Variants in CTSE observed in about 807,000 individuals in gnomAD.
The protein encoded by CTSE is erythrocyte membrane aspartic proteinase.
A neutral mutation model predicts 42.8 loss-of-function variants in CTSE; 43 were observed. The observed-to-expected ratio is 1.01, with a 90% CI of 0.79 to 1.30. The LOEUF is 1.30. Among genes scored for constraint, CTSE ranks in the 50% most tolerant of loss-of-function variants. The pLI is 0.00. For missense variants in CTSE, 532 were observed against 493.5 expected (o/e 1.08, Z -0.74); for synonymous variants, 205 against 191.5 (o/e 1.07, Z -0.58).
chr1:206,023,520 G>T (rs561460673), intron 1 of CTSE, among the ~76,000 whole-genome samples: 8 of 152,054 alleles, frequency 5.3e-5, no homozygotes, highest in African/African-American at 1.9e-4. Flanking sequence ...CTCCGTGGAG[G>T]TGGAGGCAGG....
rs185783609 is a variant in CTSE at position 206,020,736 on chromosome 1, G to A, written c.462+313C>T. Among the ~76,000 whole-genome samples, 468 of 152,046 alleles carry A rather than the reference G, an allele frequency of 3.1e-3. 1 individual carries two copies. Among genetic ancestry groups the A allele is most frequent in the African/African-American group, 0.011 (448 of 41,478 alleles). ...TGTGGACTTCTTTATCCTTCAAGACGGAGACGTGGTTTTATCTCCTCAATG... is the reference window on the plus strand; with the variant it reads ...TGTGGACTTCTTTATCCTTCAAGACAGAGACGTGGTTTTATCTCCTCAATG... On this transcript the variant is annotated intron_variant, in intron 4 of 8. Transcript: ENST00000358184.
chr1:206,017,080 T>C (rs1661283653), intron 4 of CTSE, among the ~76,000 whole-genome samples: 1 of 152,132 alleles, frequency 6.6e-6, no homozygotes, highest in South Asian at 2.1e-4. Flanking sequence ...TTCATTAATG[T>C]TTGTGATTTT....
chr1:206,022,244 G>A lies in CTSE; in HGVS notation c.249C>T (p.Ser83=), dbSNP rs143076949. ...TGAAGTTCTGTGGTGGGGAGCCAAT[G>A]GAGATAGTGCCGAAGTATTCCATCT... The part of the protein sequence containing the change: ...YLDMEYFGTI[S]IGSPPQNFTV... Residue 83 remains serine (S), a synonymous_variant, in exon 3 of 9, where the codon TCC becomes TCT. Coordinates refer to ENST00000358184, the MANE Select transcript of CTSE (RefSeq NM_001910.4). 108 of 1,611,912 alleles carry A rather than the reference G, an allele frequency of 6.7e-5. No individual in the cohort carries two copies. The highest frequency in any genetic ancestry group is 8.7e-5 in the Non-Finnish European group (103 of 1,178,480).
At chr1:206,010,692 C>T (rs928099868) in intron 8 of CTSE, among the ~76,000 whole-genome samples, 9 of 152,030 alleles carry the variant, frequency 5.9e-5, no homozygotes, top group Admixed American at 3.3e-4. Flanking sequence ...GGGTTGGCAC[C>T]GGAAGACCTT....
At chr1:206,018,645 AT>A (rs1369666079) in intron 4 of CTSE, among the ~76,000 whole-genome samples, 4 of 151,966 alleles carry the variant, frequency 2.6e-5, no homozygotes, top group East Asian at 3.8e-4. Context: ...GGTATGCTGT[AT>A]TTCTCAAGGC....
intron 4 of CTSE, among the ~76,000 whole-genome samples, chr1:206,019,181 G>A (rs1661343176): frequency 6.6e-6 from 1 of 152,042 alleles, no homozygotes; most frequent in Non-Finnish European, 1.5e-5. Flanking sequence ...ATAATGATGT[G>A]GATATAGATA....
At position 206,015,955 on chromosome 1, in the gene CTSE, G is replaced by A. The variant is rs370057695; in HGVS notation, c.638C>T (p.Pro213Leu). The part of the protein sequence containing the change: ...NMMAQNLVDL[P>L]MFSVYMSSNP... ...CCTGCTCATGTAGACAGAAAACATC[G>A]GCAAGTCCACCAGGTTCTGAGCCAT... The change falls in exon 5 of 9, where the codon CCG becomes CTG. Residue 213 changes from proline (P) to leucine (L), a missense_variant. By Grantham distance (98) the Pro-to-Leu change is moderately conservative (BLOSUM62 -3). Coordinates refer to ENST00000358184, the MANE Select transcript of CTSE (RefSeq NM_001910.4). 82 of 1,613,616 alleles carry A rather than the reference G, an allele frequency of 5.1e-5. 2 individuals carry two copies. Among genetic ancestry groups the A allele is most frequent in the East Asian group, 8.9e-5 (4 of 44,890 alleles).
intron 3 of CTSE, chr1:206,021,419 A>T (rs1197521579): frequency 4.5e-6 from 2 of 441,390 alleles, no homozygotes; most frequent in Non-Finnish European, 8.0e-6. Context: ...CTCATGAGGC[A>T]CACCAAGATA....
intron 6 of CTSE, among the ~76,000 whole-genome samples, chr1:206,013,307 A>G (rs1430894384): frequency 9.2e-5 from 14 of 152,056 alleles, no homozygotes; most frequent in African/African-American, 3.4e-4. Flanking sequence ...TGGAGCATTC[A>G]GATAGAAGCG....
intron 2 of CTSE, 144 bp from the exon 3 acceptor site, chr1:206,022,411 C>T (rs1661467061): frequency 1.7e-6 from 1 of 578,532 alleles, no homozygotes; most frequent in East Asian, 2.8e-5. Context: ...AGTGGCAACG[C>T]TGGAAAATAA....
At chr1:206,014,205 G>A (rs28505779) in intron 5 of CTSE, 27,532 of 316,402 alleles carry the variant, frequency 0.087, 1,464 homozygotes, top group South Asian at 0.13. Context: ...ACCATCCTGG[G>A]TGGGTATACA....
At chr1:206,021,213 C>T in intron 3 of CTSE, 46 bp from the exon 4 acceptor site, 1 of 1,436,680 alleles carries the variant, frequency 7.0e-7, no homozygotes, top group Non-Finnish European at 9.8e-7. Context: ...GGCTCACTGG[C>T]TGCATCCCTG....
intron 8 of CTSE, 35 bp from the exon 9 acceptor site, chr1:206,010,382 G>C (rs537167820): frequency 6.3e-7 from 1 of 1,578,468 alleles, no homozygotes; most frequent in Non-Finnish European, 8.7e-7. Flanking sequence ...AATGACAAAC[G>C]GGGGAAGAAG....
chr1:206,012,894 G>A (rs555866733), intron 6 of CTSE, among the ~76,000 whole-genome samples: 99 of 152,062 alleles, frequency 6.5e-4, no homozygotes, highest in Admixed American at 2.8e-3. Context: ...ATTCCAATTC[G>A]TCTAAAAAAT....
chr1:206,017,500 T>A (rs1207247395), intron 4 of CTSE, among the ~76,000 whole-genome samples: 1 of 151,886 alleles, frequency 6.6e-6, no homozygotes, highest in East Asian at 1.9e-4. Flanking sequence ...ATCCAAATGA[T>A]TTTTTTTGAG....
In CTSE at chr1:206,015,978, C is replaced by T; in HGVS notation, c.615G>A (p.Met205Ile). ...TCGGCAAGTCCACCAGGTTCTGAGC[C>T]ATCATGTTGTCAAATACTGGAGTCA... ...GGVTPVFDNM[M>I]AQNLVDLPMF... Residue 205 changes from methionine (M) to isoleucine (I), a missense_variant, in exon 5 of 9, where the codon ATG (methionine) becomes ATA (isoleucine). Coordinates refer to ENST00000358184, the MANE Select transcript of CTSE (RefSeq NM_001910.4). 6.2e-7 allele frequency: 1 copy of T among 1,613,872 alleles called. No homozygotes were observed. Among genetic ancestry groups the T allele is most frequent in the South Asian group, 1.1e-5 (1 of 91,078 alleles).
intron 3 of CTSE, among the ~76,000 whole-genome samples, 158 bp downstream of exon 3, chr1:206,021,992 A>C (rs912632695): frequency 2.6e-5 from 4 of 152,034 alleles, no homozygotes; most frequent in Non-Finnish European, 5.9e-5. Context: ...TCTCTGCTAT[A>C]AGCAGTTCCA....
chr1:206,010,623 C>T (rs1380595324), intron 8 of CTSE, among the ~76,000 whole-genome samples: 3 of 152,100 alleles, frequency 2.0e-5, no homozygotes, highest in African/African-American at 7.2e-5. Context: ...CTCCCACCTA[C>T]CCCTGTCACC....
chr1:206,011,453 T>C (rs931668519), intron 8 of CTSE, among the ~76,000 whole-genome samples: 5 of 152,058 alleles, frequency 3.3e-5, no homozygotes, highest in Non-Finnish European at 7.4e-5. Flanking sequence ...TCTAAATGTC[T>C]CACTGGTCCT....
Sources: allele counts gnomAD v4.1 joint callset (sites outside exome capture counted in the v4.1 genomes callset), GRCh38; gene constraint gnomAD v4.1.1; transcripts MANE v1.5; gene names NCBI Gene and HGNC (gene_info 2026-07-23, HGNC 2026-07-21).